GSG1: variants seen among roughly 807,000 people sequenced by gnomAD.
The protein encoded by GSG1 is germ cell associated 1.
In GSG1, 28 loss-of-function variants were observed where a neutral mutation model predicts 30.8. The observed-to-expected ratio is 0.91, with a 90% CI of 0.67 to 1.25. The LOEUF (loss-of-function observed/expected upper bound fraction) is 1.25. Ranked by LOEUF, GSG1 falls within the 50% of genes most tolerant of loss-of-function variation. GSG1 has a pLI of 0.00. For missense variants in GSG1, 435 were observed against 444.7 expected (o/e 0.98, Z 0.20); for synonymous variants, 162 against 178.0 (o/e 0.91, Z 0.71).
intron 1 of GSG1, chr12:13,095,786 G>C: frequency 6.7e-7 from 1 of 1,502,652 alleles, no homozygotes; most frequent in South Asian, 1.3e-5. Flanking sequence ...GCCTTACAGG[G>C]AACACGGGCA....
chr12:13,097,450 C>T lies in GSG1; in HGVS notation c.48+6015G>A, dbSNP rs569844651. On this transcript the variant is annotated intron_variant, in intron 1 of 6. Transcript: ENST00000651961. Reference sequence around the variant, plus strand: ...TCTCGAACTCCTGGGCTCAAGCAATCCTCCCACCTTGGCCTCCCAAAGTGC... The same window carrying T: ...TCTCGAACTCCTGGGCTCAAGCAATTCTCCCACCTTGGCCTCCCAAAGTGC... Among the ~76,000 whole-genome samples the T allele has an allele frequency of 2.8e-4, 43 of 152,182 alleles. No homozygotes were observed. The South Asian group carries it at 4.1e-3, about 15-fold the overall frequency.
At chr12:13,088,325 A>T (rs1305474861) in intron 4 of GSG1, among the ~76,000 whole-genome samples, 1 of 152,118 alleles carries the variant, frequency 6.6e-6, no homozygotes, top group Non-Finnish European at 1.5e-5. Context: ...AAATCATCGA[A>T]TTTTCATAAA....
chr12:13,098,305 T>TTTTA (rs1192552330), intron 1 of GSG1, among the ~76,000 whole-genome samples: 1 of 151,740 alleles, frequency 6.6e-6, no homozygotes, highest in Non-Finnish European at 1.5e-5. Flanking sequence ...CATAGGATCC[T>TTTTA]TTTATTTATT....
intron 3 of GSG1, 53 bp from the exon 4 acceptor site, chr12:13,088,962 T>C (rs2120692883): frequency 6.2e-7 from 1 of 1,601,256 alleles, no homozygotes; most frequent in East Asian, 2.2e-5. Context: ...ATGGTTGGAA[T>C]GAAAACCTTC....
chr12:13,100,287 CGTAT>C (rs1253083554), intron 1 of GSG1, among the ~76,000 whole-genome samples: 2 of 152,166 alleles, frequency 1.3e-5, no homozygotes, highest in Non-Finnish European at 2.9e-5. Context: ...TCTGGATTCA[CGTAT>C]GTAAGAGCAG....
intron 4 of GSG1, 137 bp from the exon 5 acceptor site, chr12:13,088,196 A>C: frequency 1.1e-6 from 1 of 876,524 alleles, no homozygotes; most frequent in Non-Finnish European, 1.8e-6. Flanking sequence ...AGCTGAAACC[A>C]GGGAGGAACA....
At chr12:13,097,790 C>A (rs748970662) in intron 1 of GSG1, among the ~76,000 whole-genome samples, 2 of 152,186 alleles carry the variant, frequency 1.3e-5, no homozygotes, top group Non-Finnish European at 2.9e-5. Context: ...TTTGGGCTTA[C>A]ATTTAATAAA....
intron 4 of GSG1, 93 bp downstream of exon 4, chr12:13,088,769 G>C (rs1185577504): frequency 1.2e-6 from 2 of 1,613,840 alleles, no homozygotes. Flanking sequence ...GGGGAGGGGA[G>C]GGAAGCCTTC....
rs1431749406 is a variant in GSG1, at chr12:13,087,135, G to A, written c.746+17C>T. 6.4e-7 allele frequency: 1 copy of A among 1,555,628 alleles called. No individual in the cohort carries two copies. The highest frequency in any genetic ancestry group is 8.9e-7 in the Non-Finnish European group (1 of 1,126,966). On this transcript the variant is annotated intron_variant, in intron 6 of 6. Transcript: ENST00000651961. The stretch of plus-strand genomic sequence containing the variant: ...GTTGGCTGGGGCTACAAAGGTTCAG[G>A]AGATGACAGCACTTACTAGAAGGCC...
Position 13,084,076 on chromosome 12 carries a change from T to G in GSG1, c.*825A>C, listed in dbSNP as rs1865303705. ...GTAATGGGATGGCTGGGTCAAATGGTATTTCTAGGTCTAGATTCTTGAGGA... is the reference window on the plus strand; with the variant it reads ...GTAATGGGATGGCTGGGTCAAATGGGATTTCTAGGTCTAGATTCTTGAGGA... On this transcript the variant is annotated 3_prime_UTR_variant, in exon 7 of 7. Coordinates refer to ENST00000651961, the MANE Select transcript of GSG1 (RefSeq NM_001080555.4). 1 of 152,146 alleles carries G rather than the reference T, an allele frequency of 6.6e-6. No homozygotes were observed. The highest frequency in any genetic ancestry group is 6.5e-5 in the Admixed American group (1 of 15,284). 9.4% of individuals were successfully genotyped at this position (152,146 alleles called of 1,614,324 possible). A position where few individuals can be genotyped will look rare whatever the true frequency, so the allele number is the denominator to read the frequency against.
In GSG1 at chr12:13,084,189, G is replaced by GC. The variant is rs944054882; in HGVS notation, c.*711dup. 1 of 152,122 alleles carries GC rather than the reference G, an allele frequency of 6.6e-6. No individual in the cohort carries two copies. The highest frequency in any genetic ancestry group is 2.4e-5 in the African/African-American group (1 of 41,420). 9.4% of individuals were successfully genotyped at this position (152,122 alleles called of 1,614,324 possible). On this transcript the variant is annotated 3_prime_UTR_variant, in exon 7 of 7. Coordinates refer to ENST00000651961, the MANE Select transcript of GSG1 (RefSeq NM_001080555.4). ...AGGTGGGATCCAGAGAGGAGCCTATGCCCCCTTGTTCACTGGGAAGTCCCT... is the reference window on the plus strand; with the variant it reads ...AGGTGGGATCCAGAGAGGAGCCTATGCCCCCCTTGTTCACTGGGAAGTCCCT...
chr12:13,094,161 C>CT (rs1332408230), intron 1 of GSG1, among the ~76,000 whole-genome samples: 1 of 152,178 alleles, frequency 6.6e-6, no homozygotes, highest in Non-Finnish European at 1.5e-5. Context: ...ATTTCCCTCC[C>CT]TTATCACACC....
intron 1 of GSG1, 88 bp from the exon 2 acceptor site, chr12:13,090,906 C>T: frequency 3.7e-6 from 4 of 1,090,324 alleles, no homozygotes; most frequent in Non-Finnish European, 5.3e-6. Context: ...CTTCCCTGCA[C>T]TCCCTCCGCT....
Position 13,087,193 on chromosome 12 carries a change from T to C in GSG1, c.705A>G (p.Glu235=), listed in dbSNP as rs1865625133. ...AATTCCAAACATGTGGTCTCCAGTC[T>C]TCTGGACCCAAGTTGACAGTCGCTT... is the stretch of plus-strand genomic sequence containing the variant. ...VFQATVNLGP[E]DWRPHVWNYG... The change falls in exon 6 of 7, where the codon GAA becomes GAG. Residue 235 remains glutamate, a synonymous_variant. Transcript: ENST00000651961. 6.2e-7 allele frequency: 1 copy of C among 1,614,100 alleles called. No individual in the cohort carries two copies. The highest frequency in any genetic ancestry group is 8.5e-7 in the Non-Finnish European group (1 of 1,179,956).
intron 2 of GSG1, 59 bp downstream of exon 2, chr12:13,090,444 G>A (rs1865973066): frequency 6.7e-7 from 1 of 1,495,098 alleles, no homozygotes. Context: ...TTCCATGCCT[G>A]CATTAGATCC....
chr12:13,089,167 C>T (rs1214487135), intron 3 of GSG1, 41 bp downstream of exon 3: 2 of 1,541,958 alleles, frequency 1.3e-6, no homozygotes, highest in South Asian at 1.2e-5. Context: ...TTCCCATTTC[C>T]CGTGTCCAGA....
At chr12:13,094,689 T>A (rs1006936120) in intron 1 of GSG1, among the ~76,000 whole-genome samples, 8 of 152,246 alleles carry the variant, frequency 5.3e-5, no homozygotes, top group African/African-American at 1.9e-4. Context: ...AACTATTTGG[T>A]GTAAAGACTG....
chr12:13,100,063 T>C (rs1227202375), intron 1 of GSG1, among the ~76,000 whole-genome samples: 1 of 152,242 alleles, frequency 6.6e-6, no homozygotes, highest in Admixed American at 6.5e-5. Context: ...TGACTTTAAG[T>C]TGCTTGATAT....
At chr12:13,100,952 T>C (rs1406123964) in intron 1 of GSG1, among the ~76,000 whole-genome samples, 1 of 152,214 alleles carries the variant, frequency 6.6e-6, no homozygotes, top group Non-Finnish European at 1.5e-5. Flanking sequence ...GAAAAGCGTA[T>C]CGGGGCCTCG....
Sources: allele counts gnomAD v4.1 joint callset (sites outside exome capture counted in the v4.1 genomes callset), GRCh38; gene constraint gnomAD v4.1.1; transcripts MANE v1.5; gene names NCBI Gene and HGNC (gene_info 2026-07-23, HGNC 2026-07-21).